Variants in NID1 observed in about 807,000 individuals in gnomAD.
NID1 encodes nidogen 1.
A neutral mutation model predicts 130.6 loss-of-function variants in NID1; 76 were observed. That is an observed-to-expected ratio of 0.58 (90% CI 0.48 to 0.70). The LOEUF (loss-of-function observed/expected upper bound fraction) is 0.70. Among genes scored for constraint, NID1 ranks in the 30% least tolerant of loss-of-function variants. NID1 has a pLI of 0.00. For synonymous variants in NID1, 665 were observed against 675.1 expected (o/e 0.98, Z 0.23); for missense variants, 1,517 against 1,664.8 (o/e 0.91, Z 1.54).
rs1172223482 is a variant in NID1, at chr1:236,065,062, G to T, written c.18C>A (p.Ser6Arg). The T allele has an allele frequency of 1.9e-6, 3 of 1,550,858 alleles. No individual in the cohort carries two copies. Among genetic ancestry groups the T allele is most frequent in the Non-Finnish European group, 2.6e-6 (3 of 1,147,136 alleles). MLASSSRIRAAWTRAL... is the reference protein window; with the variant it reads MLASSRRIRAAWTRAL... ...CCCGCGTCCACGCAGCCCGGATCCG[G>T]CTGCTCGAGGCCAACATGTTCCCGA... Residue 6 changes from serine (S) to arginine (R), a missense_variant, in exon 1 of 20, where the codon AGC becomes AGA. This residue lies in a region of NID1 where 1,329 missense variants were observed against 1,429.2 expected (regional missense o/e 0.93). Transcript: ENST00000264187. This position sits in a 1 kb window ranked among gnomAD's most constrained non-coding sequence, Gnocchi z 4.1.
chr1:235,992,682 T>C (rs980188689), intron 13 of NID1, among the ~76,000 whole-genome samples: 1 of 152,198 alleles, frequency 6.6e-6, no homozygotes, highest in Admixed American at 6.5e-5. Flanking sequence ...GCACCGTGAC[T>C]TTCCTCTGGG....
intron 1 of NID1, among the ~76,000 whole-genome samples, chr1:236,063,928 C>T (rs1660115226): frequency 6.6e-6 from 1 of 152,212 alleles, no homozygotes; most frequent in African/African-American, 2.4e-5. Flanking sequence ...TTAGGCAAAG[C>T]CTACAAGTTC....
At chr1:236,021,367 A>G (rs1658758050) in intron 9 of NID1, among the ~76,000 whole-genome samples, 1 of 152,200 alleles carries the variant, frequency 6.6e-6, no homozygotes, top group Non-Finnish European at 1.5e-5. Context: ...CCACATATAC[A>G]AAGCTATCAG....
rs752236104 is a variant in NID1 at position 235,981,697 on chromosome 1, C to T, written c.3141G>A (p.Val1047=). Residue 1047 remains valine, a synonymous_variant, in exon 16 of 20, where the codon GTG becomes GTA. Coordinates refer to ENST00000264187, the MANE Select transcript of NID1 (RefSeq NM_002508.3). ...GGCGCTGCGTGCCGTCCAGCTTCGC[C>T]ACTTCTATTCGATCCAGGTTAGAGT... The part of the protein sequence containing the change: ...WTDSNLDRIE[V]AKLDGTQRRV... 8.7e-6 allele frequency: 14 copies of T among 1,614,120 alleles called. No individual in the cohort carries two copies. The East Asian group carries it at 3.1e-4, about 36-fold the overall frequency.
intron 12 of NID1, among the ~76,000 whole-genome samples, chr1:236,011,303 T>C (rs954008861): frequency 4.2e-5 from 6 of 144,446 alleles, no homozygotes; most frequent in African/African-American, 1.6e-4. Context: ...ATTCTTTTTT[T>C]TTCTTTTTTT....
intron 6 of NID1, among the ~76,000 whole-genome samples, chr1:236,030,080 C>G (rs1659051904): frequency 6.6e-6 from 1 of 152,214 alleles, no homozygotes; most frequent in African/African-American, 2.4e-5. Context: ...AGCTACTTAA[C>G]TCCTGTGAGC....
chr1:235,983,241 G>C (rs111639253), intron 15 of NID1, among the ~76,000 whole-genome samples: 2 of 152,120 alleles, frequency 1.3e-5, no homozygotes, highest in Non-Finnish European at 2.9e-5. Flanking sequence ...ATTAGCCTTC[G>C]CCAGAGCCCT....
chr1:236,061,973 G>A (rs1660048858), intron 1 of NID1, among the ~76,000 whole-genome samples: 1 of 152,202 alleles, frequency 6.6e-6, no homozygotes, highest in African/African-American at 2.4e-5. Flanking sequence ...TATATTGTTG[G>A]TGGGAATGTC....
At chr1:236,062,766 T>A (rs1660077055) in intron 1 of NID1, among the ~76,000 whole-genome samples, 1 of 152,130 alleles carries the variant, frequency 6.6e-6, no homozygotes, top group Non-Finnish European at 1.5e-5. Context: ...AGTTGCTGCA[T>A]GTGTCTCAGA....
chr1:236,056,064 G>A (rs1022581378), intron 1 of NID1, among the ~76,000 whole-genome samples: 6 of 152,018 alleles, frequency 3.9e-5, no homozygotes, highest in African/African-American at 1.4e-4. Flanking sequence ...CCAATAAACA[G>A]TGCTGGGAAA....
chr1:236,041,784 C>T, intron 4 of NID1, 126 bp downstream of exon 4: 1 of 1,256,614 alleles, frequency 8.0e-7, no homozygotes, highest in Non-Finnish European at 1.1e-6. Context: ...TCAGCCTCTA[C>T]TTTCCCAAGC....
chr1:236,028,493 G>A (rs1558438896), intron 7 of NID1, among the ~76,000 whole-genome samples: 1 of 152,010 alleles, frequency 6.6e-6, no homozygotes, highest in South Asian at 2.1e-4. Flanking sequence ...GGGCGACAGA[G>A]TGAGGGCTCG....
chr1:235,990,654 A>G (rs995705597), intron 14 of NID1, among the ~76,000 whole-genome samples: 3 of 152,214 alleles, frequency 2.0e-5, no homozygotes, highest in Non-Finnish European at 4.4e-5. Context: ...AGGCTCTTAA[A>G]TTGAGCAGCT....
At chr1:235,983,550 T>C (rs1354986443) in intron 15 of NID1, among the ~76,000 whole-genome samples, 6 of 151,980 alleles carry the variant, frequency 3.9e-5, no homozygotes. Flanking sequence ...TATACGCAAA[T>C]AAAACAGAGA....
intron 8 of NID1, among the ~76,000 whole-genome samples, chr1:236,025,053 C>A (rs756267318): frequency 4.4e-4 from 66 of 151,416 alleles, no homozygotes; most frequent in Non-Finnish European, 7.8e-4. Context: ...CAGGTTCAAG[C>A]GATTTTCCTG....
chr1:235,981,550 G>T, intron 16 of NID1, 61 bp downstream of exon 16: 1 of 1,529,714 alleles, frequency 6.5e-7, no homozygotes, highest in Non-Finnish European at 8.9e-7. Context: ...TCACATCTGA[G>T]AATCTCTAAA....
intron 15 of NID1, among the ~76,000 whole-genome samples, chr1:235,982,218 A>T (rs1471947060): frequency 6.6e-6 from 1 of 152,144 alleles, no homozygotes; most frequent in Non-Finnish European, 1.5e-5. Flanking sequence ...AGGATCCTGG[A>T]TGAGGGCTTT....
Position 236,029,828 on chromosome 1 carries a change from G to A in NID1, c.1538-78C>T, listed in dbSNP as rs113554984. 8,632 of 1,411,450 alleles carry A rather than the reference G, an allele frequency of 6.1e-3. 83 individuals are homozygous for A. The highest frequency in any genetic ancestry group is 0.03 in the Middle Eastern group (157 of 5,150). The allele number at this position is 1,411,450 out of a possible 1,614,324, so 87.4% of individuals were successfully genotyped here. ...GCCCGCCCCAGGCTCACAGTGTGGA[G>A]TGGGGTTGGTGCGAACGCTTCTGCA... is the stretch of plus-strand genomic sequence containing the variant. On this transcript the variant is annotated intron_variant, in intron 6 of 19. Coordinates refer to ENST00000264187, the MANE Select transcript of NID1 (RefSeq NM_002508.3).
At chr1:236,032,349 C>T in intron 6 of NID1, 52 bp downstream of exon 6, 1 of 1,589,056 alleles carries the variant, frequency 6.3e-7, no homozygotes, top group Non-Finnish European at 8.6e-7. Context: ...CCCAGGCCTC[C>T]CCCTAGGCAC....
Sources: allele counts gnomAD v4.1 joint callset (sites outside exome capture counted in the v4.1 genomes callset), GRCh38; gene constraint gnomAD v4.1.1; regional missense constraint gnomAD v4.1.1; non-coding constraint Gnocchi (gnomAD v3.1); transcripts MANE v1.5; gene names NCBI Gene and HGNC (gene_info 2026-07-23, HGNC 2026-07-21).